ZNF121: variants seen among roughly 807,000 people sequenced by gnomAD.
ZNF121 encodes zinc finger protein 121, also known as zinc finger protein 121 (clone ZHC32).
A neutral mutation model predicts 2.4 loss-of-function variants in ZNF121; 1 was observed. The ratio of observed to expected loss-of-function variants is 0.41; its 90% CI spans 0.15 to 1.94. The LOEUF (loss-of-function observed/expected upper bound fraction) is 1.94, where lower values mean the gene tolerates loss of function less well. ZNF121 is among the 30% of genes most tolerant of loss of function. The pLI, the probability that ZNF121 is intolerant of heterozygous loss-of-function variation, is 0.30. For synonymous variants in ZNF121, 173 were observed against 158.6 expected (o/e 1.09, Z -0.68); for missense variants, 369 against 466.3 (o/e 0.79, Z 1.92).
Position 9,566,149 on chromosome 19 carries a change from C to G in ZNF121, c.964G>C (p.Ala322Pro). The G allele has an allele frequency of 6.2e-7, 1 of 1,613,968 alleles. No individual in the cohort carries two copies. Among genetic ancestry groups the G allele is most frequent in the Non-Finnish European group, 8.5e-7 (1 of 1,179,964 alleles). ...YECKDCGKAF[A>P]TSSQLIEHIR... ...TGTTCAATGAGTTGTGAAGATGTAG[C>G]AAAGGCTTTCCCACAGTCCTTACAT... is the stretch of plus-strand genomic sequence containing the variant. The change falls in exon 4 of 4, where the codon GCT becomes CCT. Residue 322 changes from alanine (A) to proline (P), a missense_variant. Ala to Pro is a conservative substitution (Grantham distance 27). Transcript: ENST00000320451.
At chr19:9,567,832 G>T (rs1360736876) in intron 3 of ZNF121, 2 of 348,682 alleles carry the variant, frequency 5.7e-6, no homozygotes, top group African/African-American at 2.0e-5. Context: ...CTGACAGGTG[G>T]AGTATATGAC....
chr19:9,571,380 C>T (rs980384356), intron 1 of ZNF121, among the ~76,000 whole-genome samples: 1 of 152,176 alleles, frequency 6.6e-6, no homozygotes, highest in African/African-American at 2.4e-5. Context: ...GAATCATAAC[C>T]TGTCACTCAA....
chr19:9,577,068 G>A (rs1599741271), intron 1 of ZNF121, among the ~76,000 whole-genome samples: 1 of 152,154 alleles, frequency 6.6e-6, no homozygotes, highest in African/African-American at 2.4e-5. Context: ...AAAAATTGAA[G>A]AGAAGAGAAT....
At chr19:9,572,479 G>A (rs937321191) in intron 1 of ZNF121, among the ~76,000 whole-genome samples, 12 of 152,148 alleles carry the variant, frequency 7.9e-5, no homozygotes, top group African/African-American at 2.9e-4. Flanking sequence ...CAGGGACAAA[G>A]ATGGGAGGCA....
chr19:9,573,690 C>T (rs1033024954), intron 1 of ZNF121, among the ~76,000 whole-genome samples: 2 of 152,132 alleles, frequency 1.3e-5, no homozygotes, highest in African/African-American at 4.8e-5. Context: ...GAGACTACTA[C>T]AAAGCATACA....
chr19:9,566,614 T>C lies in ZNF121; in HGVS notation c.499A>G (p.Thr167Ala), dbSNP rs774880799. 2 of 1,614,224 alleles carry C rather than the reference T, an allele frequency of 1.2e-6. No individual in the cohort carries two copies. The highest frequency in any genetic ancestry group is 2.2e-5 in the South Asian group (2 of 91,082). ...TTACATTCATAGGGTTTCTCCCCAG[T>C]ATGGGTTCGCATGTGACTATTAAGA... is the stretch of plus-strand genomic sequence containing the variant. Reference protein sequence around the residue: ...SYLNSHMRTHTGEKPYECKEC... With the variant: ...SYLNSHMRTHAGEKPYECKEC... The change falls in exon 4 of 4, where the codon ACT becomes GCT. Residue 167 changes from threonine to alanine, a missense_variant. Thr to Ala is a moderately conservative substitution (Grantham distance 58, BLOSUM62 0). This residue lies in a region of ZNF121 where 68 missense variants were observed against 105.5 expected (regional missense o/e 0.64). Transcript: ENST00000320451.
Position 9,566,947 on chromosome 19 carries a change from G to C in ZNF121, c.166C>G (p.Pro56Ala). The change falls in exon 4 of 4, where the codon CCT becomes GCT. Residue 56 changes from proline (P) to alanine (A), a missense_variant. Physicochemically the swap from Pro to Ala is conservative, Grantham distance 27. Coordinates refer to ENST00000320451, the MANE Select transcript of ZNF121 (RefSeq NM_001008727.5). ...AACACAGAAAGTGTCTCTCCAGCAGGGGCACTGTTGTGTAACATGGGAAAG... is the reference window on the plus strand; with the variant it reads ...AACACAGAAAGTGTCTCTCCAGCAGCGGCACTGTTGTGTAACATGGGAAAG... ...ENFPMLHNSAPAGETLSVLNQ... is the reference protein window; with the variant it reads ...ENFPMLHNSAAAGETLSVLNQ... 6.2e-7 allele frequency: 1 copy of C among 1,614,166 alleles called. No individual in the cohort carries two copies. Among genetic ancestry groups the C allele is most frequent in the African/African-American group, 1.3e-5 (1 of 75,038 alleles).
chr19:9,579,943 G>T (rs1045010907), intron 1 of ZNF121, among the ~76,000 whole-genome samples: 40 of 152,014 alleles, frequency 2.6e-4, no homozygotes, highest in African/African-American at 9.2e-4. Flanking sequence ...AACTTTTTTT[G>T]AATTTTCAAA....
chr19:9,583,977 TAAG>T (rs1405987074), intron 1 of ZNF121, among the ~76,000 whole-genome samples: 1 of 152,112 alleles, frequency 6.6e-6, no homozygotes, highest in Non-Finnish European at 1.5e-5. Context: ...GTGTCAAAAA[TAAG>T]AATAGGACAT....
At position 9,563,836 on chromosome 19, in the gene ZNF121, C is replaced by G. The variant is rs1334472581; in HGVS notation, c.*2104G>C. 6.6e-6 allele frequency: 1 copy of G among 152,216 alleles called. No homozygotes were observed. The highest frequency in any genetic ancestry group is 1.5e-5 in the Non-Finnish European group (1 of 68,048). The allele number at this position is 152,216 out of a possible 1,614,324, so 9.4% of individuals were successfully genotyped here. On this transcript the variant is annotated 3_prime_UTR_variant, in exon 4 of 4. Transcript: ENST00000320451. ...CCAGTTAAGAATTATGCTACATCTA[C>G]TCTTCCTGTGGTATCTATTTACATC...
rs1284355891 is a variant in ZNF121 at position 9,562,438 on chromosome 19, A to G, written c.*3502T>C. On this transcript the variant is annotated 3_prime_UTR_variant, in exon 4 of 4. Transcript: ENST00000320451. The stretch of plus-strand genomic sequence containing the variant: ...CTCAGCCTCTCAAGGTGCTGGGATT[A>G]CAGGTGTGAGCCACCGTGCCCGGCT... 6.8e-6 allele frequency: 2 copies of G among 296,242 alleles called. No individual in the cohort carries two copies. The highest frequency in any genetic ancestry group is 1.4e-4 in the East Asian group (1 of 7,312). 18.4% of individuals were successfully genotyped at this position (296,242 alleles called of 1,614,324 possible).
chr19:9,580,927 A>T (rs2074244495), intron 1 of ZNF121, among the ~76,000 whole-genome samples: 1 of 152,210 alleles, frequency 6.6e-6, no homozygotes, highest in African/African-American at 2.4e-5. Flanking sequence ...TGGGACATGA[A>T]GTAACTAAGG....
chr19:9,568,265 T>C, intron 2 of ZNF121, 90 bp from the exon 3 acceptor site: 1 of 578,332 alleles, frequency 1.7e-6, no homozygotes, highest in Non-Finnish European at 2.9e-6. Flanking sequence ...CTCATTTTTA[T>C]TTGTCATATT....
intron 1 of ZNF121, among the ~76,000 whole-genome samples, chr19:9,569,559 T>A (rs1413251752): frequency 6.6e-6 from 1 of 150,952 alleles, no homozygotes; most frequent in Non-Finnish European, 1.5e-5. Flanking sequence ...TGAGACAGAG[T>A]CTCACTCTGT....
At chr19:9,567,725 G>A (rs925961632) in intron 3 of ZNF121, 6 of 276,888 alleles carry the variant, frequency 2.2e-5, no homozygotes, top group Non-Finnish European at 3.7e-5. Context: ...GGGAGACAGT[G>A]ACAGATCATC....
intron 1 of ZNF121, among the ~76,000 whole-genome samples, chr19:9,576,373 T>C (rs1343191543): frequency 1.3e-5 from 2 of 151,584 alleles, no homozygotes; most frequent in Non-Finnish European, 1.5e-5. Context: ...TTTTGGTACG[T>C]TGACATATCA....
rs181518948 is a variant in ZNF121, at chr19:9,583,655, C to T, written c.-160+806G>A. On this transcript the variant is annotated intron_variant, in intron 1 of 3. Coordinates refer to ENST00000320451, the MANE Select transcript of ZNF121 (RefSeq NM_001008727.5). Reference sequence around the variant, plus strand: ...AGTAGCTGGGACTACAGGCGCCCGCCATCGCGCCTGGCTAATTTTTTGTAT... The same window carrying T: ...AGTAGCTGGGACTACAGGCGCCCGCTATCGCGCCTGGCTAATTTTTTGTAT... Among the ~76,000 whole-genome samples, 364 of 152,200 alleles carry T rather than the reference C, an allele frequency of 2.4e-3. 6 individuals are homozygous for T. The highest frequency in any genetic ancestry group is 0.018 in the Admixed American group (278 of 15,286).
intron 1 of ZNF121, among the ~76,000 whole-genome samples, chr19:9,572,709 A>G (rs1408247960): frequency 6.6e-6 from 1 of 152,214 alleles, no homozygotes; most frequent in East Asian, 1.9e-4. Flanking sequence ...AGCAAAGGCA[A>G]ACGTGGGTTT....
intron 1 of ZNF121, among the ~76,000 whole-genome samples, chr19:9,574,333 T>G (rs920237776): frequency 6.6e-6 from 1 of 152,048 alleles, no homozygotes; most frequent in Non-Finnish European, 1.5e-5. Context: ...TTTTTGTTTT[T>G]TTAGTAGAGA....
Sources: gnomAD v4.1 joint callset for allele counts (sites outside exome capture counted in the v4.1 genomes callset) on GRCh38, gnomAD v4.1.1 for gene constraint, gnomAD v4.1.1 regional missense constraint, MANE v1.5 for transcripts, NCBI Gene and HGNC (gene_info 2026-07-23, HGNC 2026-07-21) for gene names.